Variants in GXYLT1 observed in about 807,000 individuals in gnomAD.
GXYLT1 encodes the protein glycosyltransferase 8 domain containing 3.
GXYLT1 carries 29 observed loss-of-function variants against 54.0 expected under a neutral mutation model. The ratio of observed to expected loss-of-function variants is 0.54; its 90% confidence interval spans 0.40 to 0.73. The LOEUF (loss-of-function observed/expected upper bound fraction) is 0.73, where lower values mean the gene tolerates loss of function less well. Among genes scored for constraint, GXYLT1 ranks in the 30% least tolerant of loss-of-function variants. The pLI, the probability that GXYLT1 is intolerant of heterozygous loss-of-function variation, is 0.00. For synonymous variants in GXYLT1, 176 were observed against 204.1 expected, an observed-to-expected ratio of 0.86 and a Z score of 1.17; for missense variants, 490 against 553.4, an observed-to-expected ratio of 0.89 and a Z score of 1.15.
chr12:42,132,850 A>G (rs2065600253), intron 1 of GXYLT1, among the ~76,000 whole-genome samples: 1 of 152,118 alleles, frequency 6.6e-6, no homozygotes, highest in Non-Finnish European at 1.5e-5. Flanking sequence ...CAACAAGACC[A>G]ACATATTGAA....
Position 42,144,438 on chromosome 12 carries a change from C to G in GXYLT1, c.209G>C (p.Gly70Ala). The change falls in exon 1 of 8, where the codon GGC (glycine) becomes GCC (alanine). Residue 70 changes from glycine (G) to alanine (A), a missense_variant. Gly to Ala is a moderately conservative substitution (Grantham distance 60, BLOSUM62 0). Coordinates refer to ENST00000398675, the MANE Select transcript of GXYLT1 (RefSeq NM_173601.2). ...AGVAGPAAHP[G>A]VSDRCKDFSL... is the part of the protein sequence containing the mutation. ...GAACTGCCCGTACCTGTCCGACACG[C>G]CGGGATGCGCTGCGGGGCCCGCGAC... 7.6e-7 allele frequency: 1 copy of G among 1,320,554 alleles called. No individual in the cohort carries two copies. The highest frequency in any genetic ancestry group is 2.0e-5 in the South Asian group (1 of 49,986). 81.8% of individuals were successfully genotyped at this position (1,320,554 alleles called of 1,614,324 possible). A position where few individuals can be genotyped will look rare whatever the true frequency, so the allele number is the denominator to read the frequency against.
At position 42,082,542 on chromosome 12, in the gene GXYLT1, A is replaced by C. The variant is rs2136860735; in HGVS notation, c.*5244T>G. The stretch of plus-strand genomic sequence containing the variant: ...CACCCAGGCTGGAGTGCAATGGTGC[A>C]ATCTTGGCTCTCTGCAGCCTCAAAC... On this transcript the variant is annotated 3_prime_UTR_variant, in exon 8 of 8. Coordinates refer to ENST00000398675, the MANE Select transcript of GXYLT1 (RefSeq NM_173601.2). 6.6e-6 allele frequency: 1 copy of C among 152,324 alleles called. No individual in the cohort carries two copies. Among genetic ancestry groups the C allele is most frequent in the Non-Finnish European group, 1.5e-5 (1 of 68,044 alleles). 9.4% of individuals were successfully genotyped at this position (152,324 alleles called of 1,614,324 possible).
chr12:42,144,430 C>T lies in GXYLT1; in HGVS notation c.217G>A (p.Asp73Asn). 5 of 1,335,520 alleles carry T rather than the reference C, an allele frequency of 3.7e-6. 1 individual carries two copies. The highest frequency in any genetic ancestry group is 3.7e-5 in the South Asian group (2 of 54,414). 82.7% of individuals were successfully genotyped at this position (1,335,520 alleles called of 1,614,324 possible). Residue 73 changes from aspartate to asparagine, a missense_variant, in exon 1 of 8, where the codon GAC becomes AAC. Physicochemically the swap from Asp to Asn is conservative, Grantham distance 23. Around this residue, in one of 2 missense-constraint regions of GXYLT1, gnomAD observed 148 missense variants for 210.7 expected, o/e 0.70. Transcript: ENST00000398675. ...AGPAAHPGVS[D>N]RCKDFSLCYW... ...CACACCGGGAACTGCCCGTACCTGT[C>T]CGACACGCCGGGATGCGCTGCGGGG...
At position 42,144,648 on chromosome 12, in the gene GXYLT1, G is replaced by C; in HGVS notation, c.-2C>G. On this transcript the variant is annotated 5_prime_UTR_variant, in exon 1 of 8. Coordinates refer to ENST00000398675, the MANE Select transcript of GXYLT1 (RefSeq NM_173601.2). The stretch of plus-strand genomic sequence containing the variant: ...CACGACGCGCAGGTAGCGCCGCATC[G>C]CCCCGGCCGCGCTCCTCCTTCGCCG... 7.1e-7 allele frequency: 1 copy of C among 1,404,028 alleles called. No individual in the cohort carries two copies. Among genetic ancestry groups the C allele is most frequent in the Non-Finnish European group, 9.4e-7 (1 of 1,062,644 alleles). The allele number at this position is 1,404,028 out of a possible 1,614,324, so 87.0% of individuals were successfully genotyped here. A position where few individuals can be genotyped will look rare whatever the true frequency, so the allele number is the denominator to read the frequency against.
intron 1 of GXYLT1, among the ~76,000 whole-genome samples, chr12:42,136,605 G>A (rs1256350230): frequency 1.3e-5 from 2 of 152,162 alleles, no homozygotes; most frequent in African/African-American, 4.8e-5. Context: ...GGTAGCACAA[G>A]GTACCTTTGC....
At chr12:42,106,632 G>A (rs577081644) in intron 4 of GXYLT1, among the ~76,000 whole-genome samples, 35 of 152,122 alleles carry the variant, frequency 2.3e-4, no homozygotes, top group South Asian at 6.2e-4. Context: ...AAGGGTAAAG[G>A]CTTGACTTTA....
intron 5 of GXYLT1, among the ~76,000 whole-genome samples, chr12:42,098,564 A>G (rs2065370739): frequency 6.6e-6 from 1 of 151,756 alleles, no homozygotes; most frequent in South Asian, 2.1e-4. Flanking sequence ...CTAAAAAACA[A>G]TATGATTGAC....
intron 7 of GXYLT1, among the ~76,000 whole-genome samples, chr12:42,093,416 GT>G (rs1197713367): frequency 6.6e-6 from 1 of 151,952 alleles, no homozygotes; most frequent in South Asian, 2.1e-4. Flanking sequence ...ATACCAACAA[GT>G]TTTTAACTTT....
At chr12:42,091,338 G>T (rs547238471) in intron 7 of GXYLT1, among the ~76,000 whole-genome samples, 1 of 151,746 alleles carries the variant, frequency 6.6e-6, no homozygotes, top group Non-Finnish European at 1.5e-5. Flanking sequence ...ACTATTACTC[G>T]TATTTTTAAA....
chr12:42,089,857 TCA>T (rs1233439045), intron 7 of GXYLT1, among the ~76,000 whole-genome samples: 9 of 152,292 alleles, frequency 5.9e-5, no homozygotes, highest in Non-Finnish European at 1.3e-4. Context: ...AAGGTAAACT[TCA>T]CCAAGTGATA....
chr12:42,142,147 T>C (rs539837182), intron 1 of GXYLT1, among the ~76,000 whole-genome samples: 73 of 152,334 alleles, frequency 4.8e-4, no homozygotes, highest in African/African-American at 1.7e-3. Flanking sequence ...CATAGCCCCA[T>C]TGCCCACTGA....
chr12:42,094,768 T>A (rs2065346697), intron 7 of GXYLT1, among the ~76,000 whole-genome samples: 1 of 152,074 alleles, frequency 6.6e-6, no homozygotes, highest in South Asian at 2.1e-4. Context: ...ACAATGTATA[T>A]CACAGGAAAA....
chr12:42,092,546 C>T (rs1256578308), intron 7 of GXYLT1, among the ~76,000 whole-genome samples: 5 of 151,980 alleles, frequency 3.3e-5, no homozygotes, highest in Non-Finnish European at 7.4e-5. Context: ...CCCATCAATC[C>T]ACCCCAATTA....
intron 1 of GXYLT1, among the ~76,000 whole-genome samples, 188 bp from the exon 2 acceptor site, chr12:42,130,039 T>C (rs950248870): frequency 1.3e-5 from 2 of 152,218 alleles, no homozygotes; most frequent in African/African-American, 4.8e-5. Context: ...TTATTTTAAA[T>C]AGAACTTTAA....
At position 42,086,436 on chromosome 12, in the gene GXYLT1, A is replaced by AT. The variant is rs1372484955; in HGVS notation, c.*1349dup. The AT allele has an allele frequency of 6.6e-6, 1 of 152,228 alleles. No homozygotes were observed. Among genetic ancestry groups the AT allele is most frequent in the Non-Finnish European group, 1.5e-5 (1 of 68,042 alleles). The allele number at this position is 152,228 out of a possible 1,614,324, so 9.4% of individuals were successfully genotyped here. A position where few individuals can be genotyped will look rare whatever the true frequency, so the allele number is the denominator to read the frequency against. The stretch of plus-strand genomic sequence containing the variant: ...AACTGCCACAATTTTCACAGGTTGT[A>AT]TTTTTCCTTCATGATTTTCCATTTT... On this transcript the variant is annotated 3_prime_UTR_variant, in exon 8 of 8. Coordinates refer to ENST00000398675, the MANE Select transcript of GXYLT1 (RefSeq NM_173601.2).
intron 1 of GXYLT1, among the ~76,000 whole-genome samples, chr12:42,142,799 T>A (rs920058768): frequency 2.0e-5 from 3 of 152,158 alleles, no homozygotes; most frequent in Non-Finnish European, 4.4e-5. Flanking sequence ...CCTGCCCAAA[T>A]GGTTTCTTAT....
intron 3 of GXYLT1, among the ~76,000 whole-genome samples, chr12:42,110,126 AT>A (rs1810404373): frequency 6.6e-6 from 1 of 152,242 alleles, no homozygotes; most frequent in African/African-American, 2.4e-5. Context: ...TAGTTAAAAA[AT>A]ATTTGTCCAT....
intron 2 of GXYLT1, among the ~76,000 whole-genome samples, chr12:42,127,036 A>C (rs1428272813): frequency 6.6e-6 from 1 of 152,220 alleles, no homozygotes; most frequent in Non-Finnish European, 1.5e-5. Flanking sequence ...AATTGGGAGA[A>C]TATGATCACC....
chr12:42,135,840 T>C (rs2065616724), intron 1 of GXYLT1, among the ~76,000 whole-genome samples: 1 of 152,140 alleles, frequency 6.6e-6, no homozygotes, highest in African/African-American at 2.4e-5. Flanking sequence ...CAGGGTTTCT[T>C]TGGGGGGTAA....
Sources: gnomAD v4.1 joint callset for allele counts (sites outside exome capture counted in the v4.1 genomes callset) on GRCh38, gnomAD v4.1.1 for gene constraint, gnomAD v4.1.1 regional missense constraint, MANE v1.5 for transcripts, NCBI Gene and HGNC (gene_info 2026-07-23, HGNC 2026-07-21) for gene names.